The following EEFSEC variants were observed in gnomAD, a reference collection of about 807,000 sequenced individuals.
EEFSEC encodes selenocysteine-specific elongation factor.
Under a neutral mutation model 42.1 loss-of-function variants are expected in EEFSEC, and 43 were observed. The observed-to-expected ratio is 1.02, with a 90% CI of 0.80 to 1.32. The LOEUF (loss-of-function observed/expected upper bound fraction) is 1.32, where lower values mean the gene tolerates loss of function less well. Ranked by LOEUF, EEFSEC falls within the 40% of genes most tolerant of loss-of-function variation. EEFSEC has a pLI of 0.00. For synonymous variants in EEFSEC, 354 were observed against 339.1 expected (o/e 1.04, Z -0.48); for missense variants, 745 against 803.6 (o/e 0.93, Z 0.88).
intron 6 of EEFSEC, among the ~76,000 whole-genome samples, chr3:128,407,298 G>A (rs553456239): frequency 6.6e-6 from 1 of 152,354 alleles, no homozygotes; most frequent in East Asian, 1.9e-4. Context: ...ACCCACCCAA[G>A]CCTGGGGGCG....
chr3:128,406,879 T>C (rs75830303), intron 6 of EEFSEC, among the ~76,000 whole-genome samples: 6,616 of 151,252 alleles, frequency 0.044, 466 homozygotes, highest in African/African-American at 0.15. Flanking sequence ...TATACATACA[T>C]ATATATATAT....
chr3:128,199,668 G>C (rs2065622646), intron 1 of EEFSEC, among the ~76,000 whole-genome samples: 2 of 152,184 alleles, frequency 1.3e-5, no homozygotes, highest in African/African-American at 4.8e-5. Context: ...TGGGGCAGTT[G>C]CATTTTAAAA....
chr3:128,340,010 G>A (rs889606428), intron 4 of EEFSEC, among the ~76,000 whole-genome samples: 10 of 152,110 alleles, frequency 6.6e-5, no homozygotes, highest in African/African-American at 2.4e-4. Context: ...CACAACACAT[G>A]GGAATTAAGG....
chr3:128,355,730 T>C (rs2067445266), intron 5 of EEFSEC, among the ~76,000 whole-genome samples: 1 of 152,176 alleles, frequency 6.6e-6, no homozygotes, highest in Admixed American at 6.5e-5. Flanking sequence ...TAAGCGCCTG[T>C]TTTATGTGCA....
At chr3:128,210,124 T>C (rs1019664469) in intron 1 of EEFSEC, among the ~76,000 whole-genome samples, 1 of 152,076 alleles carries the variant, frequency 6.6e-6, no homozygotes, top group Admixed American at 6.5e-5. Flanking sequence ...AGGGGAGAAA[T>C]GCAGAGGTCT....
intron 1 of EEFSEC, among the ~76,000 whole-genome samples, chr3:128,239,844 G>A (rs1424958301): frequency 6.6e-6 from 1 of 152,188 alleles, no homozygotes; most frequent in Non-Finnish European, 1.5e-5. Flanking sequence ...AAGGACCAGG[G>A]TCCCTGGAGC....
intron 4 of EEFSEC, among the ~76,000 whole-genome samples, chr3:128,301,059 G>A (rs1305927782): frequency 6.6e-6 from 1 of 152,088 alleles, no homozygotes; most frequent in Non-Finnish European, 1.5e-5. Context: ...AAGCTCCATC[G>A]ATGGAGAAGA....
intron 6 of EEFSEC, among the ~76,000 whole-genome samples, chr3:128,372,446 TC>T (rs2067664869): frequency 1.3e-5 from 2 of 151,970 alleles, no homozygotes; most frequent in Non-Finnish European, 1.5e-5. Flanking sequence ...TGCCCCAAAT[TC>T]CCCCATGATT....
At chr3:128,164,156 A>G (rs1295425062) in intron 1 of EEFSEC, among the ~76,000 whole-genome samples, 1 of 152,124 alleles carries the variant, frequency 6.6e-6, no homozygotes, top group African/African-American at 2.4e-5. Flanking sequence ...GGAAAGGACC[A>G]CATGGAGCTG....
intron 6 of EEFSEC, among the ~76,000 whole-genome samples, chr3:128,386,060 A>G (rs1327182666): frequency 3.3e-5 from 5 of 152,250 alleles, no homozygotes; most frequent in African/African-American, 9.6e-5. Context: ...ATTTCCACTT[A>G]TGGCAGCATA....
intron 1 of EEFSEC, among the ~76,000 whole-genome samples, chr3:128,207,418 G>C (rs2065709200): frequency 6.6e-6 from 1 of 152,046 alleles, no homozygotes; most frequent in Admixed American, 6.6e-5. Context: ...CACATTGTTT[G>C]TTTTTTAACA....
chr3:128,321,277 G>A (rs948480332), intron 4 of EEFSEC, among the ~76,000 whole-genome samples: 4 of 152,124 alleles, frequency 2.6e-5, no homozygotes, highest in African/African-American at 9.7e-5. Context: ...CTGGCTTTCT[G>A]CTTGTGTGTT....
intron 6 of EEFSEC, among the ~76,000 whole-genome samples, chr3:128,369,517 A>T (rs1361864897): frequency 6.6e-6 from 1 of 152,166 alleles, no homozygotes; most frequent in Non-Finnish European, 1.5e-5. Flanking sequence ...GGACCAAATT[A>T]ACTTTTACTG....
At chr3:128,381,902 A>G (rs1276932855) in intron 6 of EEFSEC, among the ~76,000 whole-genome samples, 1 of 152,184 alleles carries the variant, frequency 6.6e-6, no homozygotes, top group Non-Finnish European at 1.5e-5. Flanking sequence ...AAAGAGCAGA[A>G]GGGCCTGTGG....
At chr3:128,329,551 C>T (rs1204663107) in intron 4 of EEFSEC, among the ~76,000 whole-genome samples, 1 of 152,136 alleles carries the variant, frequency 6.6e-6, no homozygotes, top group Admixed American at 6.5e-5. Context: ...GCAGCATGAC[C>T]TGCTCTAGCT....
chr3:128,155,440 T>A lies in EEFSEC; in HGVS notation c.316+1617T>A, dbSNP rs575744632. Reference sequence around the variant, plus strand: ...AGACCATTATTATACCTTTGTGGATTACTTTTCCAGACCCATTTAACTCCA... The same window carrying A: ...AGACCATTATTATACCTTTGTGGATAACTTTTCCAGACCCATTTAACTCCA... On this transcript the variant is annotated intron_variant, in intron 1 of 6. Transcript: ENST00000254730. Among the ~76,000 whole-genome samples, 14 of 152,332 alleles carry A rather than the reference T, an allele frequency of 9.2e-5. No individual in the cohort carries two copies. In the East Asian group the frequency reaches 2.5e-3, roughly 27 times the overall value.
intron 1 of EEFSEC, among the ~76,000 whole-genome samples, chr3:128,225,292 C>T (rs1233246451): frequency 6.6e-6 from 1 of 152,196 alleles, no homozygotes; most frequent in African/African-American, 2.4e-5. Context: ...CCAGCCCCAG[C>T]CCTGGGTCAG....
intron 4 of EEFSEC, among the ~76,000 whole-genome samples, chr3:128,311,335 G>A (rs746769979): frequency 2.0e-5 from 3 of 152,258 alleles, no homozygotes; most frequent in Non-Finnish European, 4.4e-5. Flanking sequence ...TTTTACTACA[G>A]AGGAGAGAAT....
chr3:128,362,811 GTGCTGCTCACGTGCCGGGAGC>G (rs2067544112), intron 6 of EEFSEC, among the ~76,000 whole-genome samples: 1 of 152,202 alleles, frequency 6.6e-6, no homozygotes, highest in Admixed American at 6.5e-5. Flanking sequence ...CTAGCAGCGG[GTGCTGCTCACGTGCCGGGAGC>G]TCAAAAGGGT....
Sources: allele counts gnomAD v4.1 joint callset (sites outside exome capture counted in the v4.1 genomes callset), GRCh38; gene constraint gnomAD v4.1.1; transcripts MANE v1.5; gene names NCBI Gene and HGNC (gene_info 2026-07-23, HGNC 2026-07-21).